The following TGM3 variants were observed in gnomAD, a reference collection of about 807,000 sequenced individuals.
TGM3 encodes protein-glutamine gamma-glutamyltransferase E.
Under a neutral mutation model 73.8 loss-of-function variants are expected in TGM3, and 52 were observed. That is an observed-to-expected ratio of 0.70 (90% CI 0.56 to 0.89). The LOEUF is 0.89. Among genes scored for constraint, TGM3 ranks in the 40% least tolerant of loss-of-function variants. The pLI is 0.00. For synonymous variants in TGM3, 372 were observed against 354.9 expected (o/e 1.05, Z -0.54); for missense variants, 928 against 909.9 (o/e 1.02, Z -0.26).
At chr20:2,316,028 C>T (rs1482958741) in intron 5 of TGM3, among the ~76,000 whole-genome samples, 16 of 152,194 alleles carry the variant, frequency 1.1e-4, no homozygotes, top group Admixed American at 1.0e-3. Context: ...TTTGATAAAT[C>T]TTAGACATTA....
At chr20:2,329,369 A>G (rs565956612) in intron 9 of TGM3, among the ~76,000 whole-genome samples, 22 of 152,250 alleles carry the variant, frequency 1.4e-4, no homozygotes, top group Non-Finnish European at 2.2e-4. Context: ...GTGCCCCCCC[A>G]GGTGCTGGTA....
chr20:2,313,054 A>G, intron 5 of TGM3, 28 bp downstream of exon 5: 1 of 1,613,608 alleles, frequency 6.2e-7, no homozygotes, highest in Non-Finnish European at 8.5e-7. Flanking sequence ...GATCACAGCT[A>G]GTTGTCATCA....
rs539012778 is a variant in TGM3, at chr20:2,312,194, A to G, written c.541-704A>G. Among the ~76,000 whole-genome samples, 11 of 151,628 alleles carry G rather than the reference A, an allele frequency of 7.3e-5. No homozygotes were observed. In the South Asian group the frequency reaches 2.3e-3, roughly 32 times the overall value. On this transcript the variant is annotated intron_variant, in intron 4 of 12. Coordinates refer to ENST00000381458, the MANE Select transcript of TGM3 (RefSeq NM_003245.4). ...GCGGGTGGATCACCTGAGGTCAGGAATTCGAGACCAGCCTGGCCTATATGG... is the reference window on the plus strand; with the variant it reads ...GCGGGTGGATCACCTGAGGTCAGGAGTTCGAGACCAGCCTGGCCTATATGG...
At chr20:2,335,822 T>C (rs1353057731) in intron 11 of TGM3, among the ~76,000 whole-genome samples, 1 of 152,122 alleles carries the variant, frequency 6.6e-6, no homozygotes, top group East Asian at 1.9e-4. Context: ...AGTTACAGAA[T>C]TGTGGACTCT....
At chr20:2,333,386 G>T (rs1216881418) in intron 10 of TGM3, among the ~76,000 whole-genome samples, 5 of 152,040 alleles carry the variant, frequency 3.3e-5, no homozygotes, top group Non-Finnish European at 7.4e-5. Context: ...TTGTTTGTTT[G>T]TTTTTGTTTA....
At chr20:2,308,349 A>G (rs1292768947) in intron 1 of TGM3, among the ~76,000 whole-genome samples, 2 of 152,222 alleles carry the variant, frequency 1.3e-5, no homozygotes, top group African/African-American at 4.8e-5. Context: ...TGGCCTCTGT[A>G]AAGACAGAGA....
chr20:2,303,166 T>C (rs2084159776), intron 1 of TGM3, among the ~76,000 whole-genome samples: 1 of 152,002 alleles, frequency 6.6e-6, no homozygotes, highest in Non-Finnish European at 1.5e-5. Context: ...CCGGGCGTGG[T>C]GGTGCATGCC....
intron 11 of TGM3, among the ~76,000 whole-genome samples, chr20:2,336,430 G>A (rs1054828688): frequency 2.6e-5 from 4 of 151,908 alleles, no homozygotes; most frequent in African/African-American, 9.7e-5. Flanking sequence ...GCCTTTCCCT[G>A]TACAATCACA....
intron 8 of TGM3, among the ~76,000 whole-genome samples, chr20:2,326,798 G>A (rs1211198109): frequency 1.3e-5 from 2 of 152,036 alleles, no homozygotes; most frequent in African/African-American, 4.8e-5. Flanking sequence ...GCCGTGAGCC[G>A]AGATCATGCC....
Position 2,340,825 on chromosome 20 carries a change from C to G in TGM3, c.*244C>G. Reference sequence around the variant, plus strand: ...CCCTGGCCGCTTCTCCCCAGAGCTGCCTGCTCTGTGAGCCCCACAGCCCTG... The same window carrying G: ...CCCTGGCCGCTTCTCCCCAGAGCTGGCTGCTCTGTGAGCCCCACAGCCCTG... On this transcript the variant is annotated 3_prime_UTR_variant, in exon 13 of 13. Coordinates refer to ENST00000381458, the MANE Select transcript of TGM3 (RefSeq NM_003245.4). 1 of 636,830 alleles carries G rather than the reference C, an allele frequency of 1.6e-6. No individual in the cohort carries two copies. The highest frequency in any genetic ancestry group is 2.9e-6 in the Non-Finnish European group (1 of 344,308). 39.4% of individuals were successfully genotyped at this position (636,830 alleles called of 1,614,324 possible). A position where few individuals can be genotyped will look rare whatever the true frequency, so the allele number is the denominator to read the frequency against.
intron 8 of TGM3, among the ~76,000 whole-genome samples, chr20:2,327,302 C>G (rs1210105791): frequency 6.7e-6 from 1 of 150,328 alleles, no homozygotes. Flanking sequence ...AACCCCGTCT[C>G]TACTAAAATT....
In TGM3 at chr20:2,317,481, G is replaced by T. The variant is rs370121854; in HGVS notation, c.979G>T (p.Val327Leu). 10 of 1,614,090 alleles carry T rather than the reference G, an allele frequency of 6.2e-6. No individual in the cohort carries two copies. Among genetic ancestry groups the T allele is most frequent in the Non-Finnish European group, 8.5e-6 (10 of 1,180,032 alleles). Residue 327 changes from valine to leucine, a missense_variant, in exon 7 of 13, where the codon GTA becomes TTA. By Grantham distance (32) the Val-to-Leu change is conservative (BLOSUM62 1). Coordinates refer to ENST00000381458, the MANE Select transcript of TGM3 (RefSeq NM_003245.4). ...CCCCCTGGACAAGGGTAGTGATAGCGTATGGTAAGTATCTCACCTTTTCCC... is the reference window on the plus strand; with the variant it reads ...CCCCCTGGACAAGGGTAGTGATAGCTTATGGTAAGTATCTCACCTTTTCCC... ...GNPLDKGSDS[V>L]WNFHVWNEGW...
At chr20:2,323,935 A>T (rs113200110) in intron 7 of TGM3, among the ~76,000 whole-genome samples, 3,203 of 151,992 alleles carry the variant, frequency 0.021, 91 homozygotes, top group African/African-American at 0.07. Flanking sequence ...TTTTTTCATC[A>T]CTTAGTTCAA....
At chr20:2,316,669 C>T (rs2084234856) in intron 5 of TGM3, among the ~76,000 whole-genome samples, 1 of 151,908 alleles carries the variant, frequency 6.6e-6, no homozygotes, top group African/African-American at 2.4e-5. Context: ...AGTTTCAAAC[C>T]ATGGACTCCC....
chr20:2,340,798 T>G lies in TGM3; in HGVS notation c.*217T>G. The G allele has an allele frequency of 2.1e-5, 14 of 670,864 alleles. No individual in the cohort carries two copies. Among genetic ancestry groups the G allele is most frequent in the African/African-American group, 3.5e-5 (2 of 56,428 alleles). 41.6% of individuals were successfully genotyped at this position (670,864 alleles called of 1,614,324 possible). On this transcript the variant is annotated 3_prime_UTR_variant, in exon 13 of 13. Transcript: ENST00000381458. The stretch of plus-strand genomic sequence containing the variant: ...CCTATGACTTGATCACTTTTGCACA[T>G]TCCCTGGCCGCTTCTCCCCAGAGCT...
At chr20:2,326,788 G>T (rs996757792) in intron 8 of TGM3, among the ~76,000 whole-genome samples, 1 of 152,008 alleles carries the variant, frequency 6.6e-6, no homozygotes, top group Non-Finnish European at 1.5e-5. Context: ...CGGAGGTAAA[G>T]CCGTGAGCCG....
chr20:2,316,394 G>A (rs1012134148), intron 5 of TGM3, among the ~76,000 whole-genome samples: 21 of 150,934 alleles, frequency 1.4e-4, no homozygotes, highest in African/African-American at 4.4e-4. Context: ...GTGAAACCCC[G>A]TCTCTATTAA....
intron 7 of TGM3, among the ~76,000 whole-genome samples, chr20:2,317,772 G>A (rs141299229): frequency 6.6e-6 from 1 of 151,664 alleles, no homozygotes; most frequent in Non-Finnish European, 1.5e-5. Flanking sequence ...TGAATTTATG[G>A]GATCCATTGG....
intron 11 of TGM3, 151 bp downstream of exon 11, chr20:2,335,424 G>A (rs776564238): frequency 8.0e-5 from 78 of 976,042 alleles, no homozygotes; most frequent in East Asian, 2.4e-4. Context: ...GCCCAGCTTC[G>A]GTCCAGCCTC....
Sources: allele counts gnomAD v4.1 joint callset (sites outside exome capture counted in the v4.1 genomes callset), GRCh38; gene constraint gnomAD v4.1.1; transcripts MANE v1.5; gene names NCBI Gene and HGNC (gene_info 2026-07-23, HGNC 2026-07-21).